ADAMTS17: variants seen among roughly 807,000 people sequenced by gnomAD.
ADAMTS17 encodes A disintegrin and metalloproteinase with thrombospondin motifs 17.
ADAMTS17 carries 113 observed loss-of-function variants against 141.5 expected under a neutral mutation model. The ratio of observed to expected loss-of-function variants is 0.80; its 90% CI spans 0.69 to 0.93. The LOEUF (loss-of-function observed/expected upper bound fraction) is 0.93. ADAMTS17 is among the 40% of genes least tolerant of loss of function. ADAMTS17 has a pLI of 0.00. For synonymous variants in ADAMTS17, 768 were observed against 630.6 expected (o/e 1.22, Z -3.27); for missense variants, 1,659 against 1,517.9 (o/e 1.09, Z -1.54).
chr15:100,341,323 C>T lies in ADAMTS17; in HGVS notation c.166G>A (p.Ala56Thr). The T allele has an allele frequency of 9.7e-7, 1 of 1,031,704 alleles. No homozygotes were observed. Among genetic ancestry groups the T allele is most frequent in the Non-Finnish European group, 1.2e-6 (1 of 862,386 alleles). The allele number at this position is 1,031,704 out of a possible 1,614,324, so 63.9% of individuals were successfully genotyped here. The change falls in exon 2 of 22, where the codon GCC becomes ACC. Residue 56 changes from alanine (A) to threonine (T), a missense_variant. By Grantham distance (58) the Ala-to-Thr change is moderately conservative. Coordinates refer to ENST00000268070, the MANE Select transcript of ADAMTS17 (RefSeq NM_139057.4). ...DDVHLPPLPA[A>T]PGPRRRRRPR... The stretch of plus-strand genomic sequence containing the variant: ...CGTCGCCGCCGTCGGGGCCCGGGGG[C>T]TGCGGGCAGCGGCGGCAGGTGCACG...
chr15:100,214,891 T>C (rs1275213662), intron 7 of ADAMTS17, among the ~76,000 whole-genome samples: 1 of 152,268 alleles, frequency 6.6e-6, no homozygotes, highest in African/African-American at 2.4e-5. Flanking sequence ...AGCTTTGCTG[T>C]TGCACTGTCC....
At chr15:100,339,002 G>C in intron 2 of ADAMTS17, 1 of 985,524 alleles carries the variant, frequency 1.0e-6, no homozygotes, top group Non-Finnish European at 1.2e-6. Context: ...TACGTACAGA[G>C]GGGGAAGTGT....
rs116551125 is a variant in ADAMTS17, at chr15:100,297,766, T to C, written c.617-16365A>G. On this transcript the variant is annotated intron_variant, in intron 3 of 21. Transcript: ENST00000268070. The stretch of plus-strand genomic sequence containing the variant: ...GAAGCAAGGGAATACTTCATTCCAA[T>C]GCCTCAGAGCTCACAGCATTCAGGA... 3.3e-3 allele frequency among the ~76,000 whole-genome samples: 505 copies of C among 152,284 alleles called. 2 individuals carry two copies. The highest frequency in any genetic ancestry group is 0.011 in the African/African-American group (467 of 41,554).
intron 3 of ADAMTS17, among the ~76,000 whole-genome samples, chr15:100,323,219 C>T (rs966027494): frequency 1.3e-5 from 2 of 151,306 alleles, no homozygotes; most frequent in Non-Finnish European, 2.9e-5. Flanking sequence ...CATATATTAA[C>T]TTAATCATCT....
At chr15:100,295,183 C>A (rs911200965) in intron 3 of ADAMTS17, among the ~76,000 whole-genome samples, 3 of 152,196 alleles carry the variant, frequency 2.0e-5, no homozygotes, top group Non-Finnish European at 2.9e-5. Context: ...TAGATATTCA[C>A]CCAGGCCTCA....
chr15:100,099,779 A>C (rs531952954), intron 14 of ADAMTS17, among the ~76,000 whole-genome samples: 2,919 of 152,294 alleles, frequency 0.019, 32 homozygotes, highest in Middle Eastern at 0.054. Context: ...ACGGGGGGAA[A>C]AGCACAAGTT....
At chr15:100,190,194 C>T (rs537157162) in intron 8 of ADAMTS17, among the ~76,000 whole-genome samples, 1 of 152,188 alleles carries the variant, frequency 6.6e-6, no homozygotes, top group South Asian at 2.1e-4. Context: ...TATTTTTTTC[C>T]AAGAAAGGCC....
At chr15:100,320,822 G>T (rs2045710955) in intron 3 of ADAMTS17, among the ~76,000 whole-genome samples, 1 of 152,074 alleles carries the variant, frequency 6.6e-6, no homozygotes, top group Non-Finnish European at 1.5e-5. Flanking sequence ...GACAGAGCAA[G>T]ACTCTGTCTC....
chr15:100,210,217 C>T (rs534722259), intron 7 of ADAMTS17, among the ~76,000 whole-genome samples: 47 of 110,148 alleles, frequency 4.3e-4, no homozygotes, highest in African/African-American at 1.7e-3. Context: ...GGAGACAAAG[C>T]GAGACTCCAT....
At chr15:100,110,916 G>C (rs1473698789) in intron 13 of ADAMTS17, among the ~76,000 whole-genome samples, 2 of 152,110 alleles carry the variant, frequency 1.3e-5, no homozygotes, top group Non-Finnish European at 2.9e-5. Flanking sequence ...AACCACCCCT[G>C]TGTTCAGTCA....
intron 10 of ADAMTS17, among the ~76,000 whole-genome samples, chr15:100,135,370 G>A (rs932849824): frequency 6.6e-5 from 10 of 150,392 alleles, no homozygotes; most frequent in African/African-American, 2.0e-4. Flanking sequence ...TGCAAGCTCC[G>A]CCTCCCAGGT....
chr15:100,128,777 A>G (rs2037880076), intron 12 of ADAMTS17: 1 of 152,188 alleles, frequency 6.6e-6, no homozygotes, highest in Non-Finnish European at 1.5e-5. Context: ...CGCTGTCTGA[A>G]CTGGGTGGTG....
intron 8 of ADAMTS17, among the ~76,000 whole-genome samples, chr15:100,167,655 A>C (rs565013239): frequency 8.2e-4 from 125 of 152,320 alleles, no homozygotes; most frequent in Middle Eastern, 3.4e-3. Context: ...ATGCAGTGTA[A>C]TTAAACCTGG....
At chr15:100,174,173 G>A (rs989930162) in intron 8 of ADAMTS17, among the ~76,000 whole-genome samples, 5 of 152,288 alleles carry the variant, frequency 3.3e-5, no homozygotes, top group Middle Eastern at 3.4e-3. Flanking sequence ...TCTTAGCTAG[G>A]CAACACAACA....
At chr15:100,178,743 C>A (rs2040423074) in intron 8 of ADAMTS17, among the ~76,000 whole-genome samples, 2 of 152,130 alleles carry the variant, frequency 1.3e-5, no homozygotes, top group South Asian at 4.1e-4. Context: ...CGTTTACTAG[C>A]AACAAATTCT....
intron 6 of ADAMTS17, chr15:100,256,287 G>C (rs529706924): frequency 6.6e-6 from 1 of 152,320 alleles, no homozygotes; most frequent in South Asian, 2.1e-4. Flanking sequence ...TGCATGACAG[G>C]GCTGGCTTTG....
chr15:100,310,551 C>T (rs1310458813), intron 3 of ADAMTS17, among the ~76,000 whole-genome samples: 1 of 152,220 alleles, frequency 6.6e-6, no homozygotes, highest in African/African-American at 2.4e-5. Flanking sequence ...AATTCTGGAG[C>T]ACGCCTAAGC....
chr15:100,045,934 G>A (rs1297380711), intron 18 of ADAMTS17, among the ~76,000 whole-genome samples: 1 of 152,152 alleles, frequency 6.6e-6, no homozygotes, highest in Non-Finnish European at 1.5e-5. Context: ...AGGCTGGAGT[G>A]CAGTGGTGTG....
chr15:100,106,457 G>A (rs1037932890), intron 14 of ADAMTS17, among the ~76,000 whole-genome samples: 1 of 152,192 alleles, frequency 6.6e-6, no homozygotes, highest in East Asian at 1.9e-4. Context: ...TTGATTCTAC[G>A]ACTAAAGGTT....
Sources: allele counts gnomAD v4.1 joint callset (sites outside exome capture counted in the v4.1 genomes callset), GRCh38; gene constraint gnomAD v4.1.1; transcripts MANE v1.5; gene names NCBI Gene and HGNC (gene_info 2026-07-23, HGNC 2026-07-21).